SMG6: variants seen among roughly 807,000 people sequenced by gnomAD.
The protein encoded by SMG6 is SMG6 nonsense mediated mRNA decay factor.
Under a neutral mutation model 142.2 loss-of-function variants are expected in SMG6, and 66 were observed. The ratio of observed to expected loss-of-function variants is 0.46; its 90% confidence interval spans 0.38 to 0.57. SMG6 has a LOEUF of 0.57. SMG6 is among the 20% of genes least tolerant of loss of function. The pLI, the probability that SMG6 is intolerant of heterozygous loss-of-function variation, is 0.00. For missense variants in SMG6, 1,793 were observed against 1,832.0 expected, an observed-to-expected ratio of 0.98 and a Z score of 0.39; for synonymous variants, 779 against 702.4, an observed-to-expected ratio of 1.11 and a Z score of -1.72.
At chr17:2,090,802 A>T (rs991921249) in intron 13 of SMG6, among the ~76,000 whole-genome samples, 2 of 152,238 alleles carry the variant, frequency 1.3e-5, no homozygotes, top group African/African-American at 4.8e-5. Flanking sequence ...GGAGCCAATT[A>T]TTCTCACATT....
intron 15 of SMG6, among the ~76,000 whole-genome samples, chr17:2,074,431 G>A (rs1474965151): frequency 6.6e-6 from 1 of 152,208 alleles, no homozygotes; most frequent in Non-Finnish European, 1.5e-5. Flanking sequence ...AGAGCCACCA[G>A]CAGCATCCCC....
intron 13 of SMG6, among the ~76,000 whole-genome samples, chr17:2,168,732 G>GT (rs987012062): frequency 6.6e-6 from 1 of 151,572 alleles, no homozygotes. Flanking sequence ...AACAAAAAAA[G>GT]TTTTTTTTGT....
intron 13 of SMG6, among the ~76,000 whole-genome samples, chr17:2,156,473 T>G (rs2151613376): frequency 7.0e-6 from 1 of 143,392 alleles, no homozygotes; most frequent in African/African-American, 2.6e-5. Flanking sequence ...GACACTATCC[T>G]CAGGGAAATT....
At chr17:2,187,706 G>A (rs2072033967) in intron 11 of SMG6, among the ~76,000 whole-genome samples, 1 of 151,600 alleles carries the variant, frequency 6.6e-6, no homozygotes, top group Admixed American at 6.6e-5. Flanking sequence ...CTGTAAATAT[G>A]AAGTTACTTC....
At chr17:2,155,430 C>T (rs1477956453) in intron 13 of SMG6, among the ~76,000 whole-genome samples, 2 of 152,182 alleles carry the variant, frequency 1.3e-5, no homozygotes, top group Non-Finnish European at 2.9e-5. Context: ...AATAAAGTTT[C>T]TCTTCATGTC....
At chr17:2,264,803 G>C (rs1457208391) in intron 8 of SMG6, among the ~76,000 whole-genome samples, 1 of 151,968 alleles carries the variant, frequency 6.6e-6, no homozygotes, top group African/African-American at 2.4e-5. Flanking sequence ...TCAGGAGGCT[G>C]GGAGGGGAGG....
At chr17:2,162,124 T>G (rs1000958857) in intron 13 of SMG6, among the ~76,000 whole-genome samples, 1 of 152,198 alleles carries the variant, frequency 6.6e-6, no homozygotes, top group African/African-American at 2.4e-5. Context: ...GCTCTTAAAT[T>G]CATGTTATAG....
chr17:2,107,671 C>T (rs983425785), intron 13 of SMG6, among the ~76,000 whole-genome samples: 1 of 152,128 alleles, frequency 6.6e-6, no homozygotes, highest in Non-Finnish European at 1.5e-5. Flanking sequence ...TGGAACAAGC[C>T]ATCTGTGAGG....
intron 8 of SMG6, chr17:2,255,868 T>G: frequency 4.2e-6 from 1 of 236,994 alleles, no homozygotes; most frequent in Non-Finnish European, 8.3e-6. Context: ...GGGATGCTGT[T>G]GATCTGTGAC....
intron 9 of SMG6, among the ~76,000 whole-genome samples, chr17:2,240,796 G>A (rs865886238): frequency 1.3e-4 from 20 of 152,216 alleles, no homozygotes; most frequent in South Asian, 2.1e-4. Flanking sequence ...GAAGCGCAGC[G>A]TCCGAGCTTT....
At chr17:2,205,421 T>A (rs2072649070) in intron 10 of SMG6, among the ~76,000 whole-genome samples, 1 of 152,186 alleles carries the variant, frequency 6.6e-6, no homozygotes, top group South Asian at 2.1e-4. Flanking sequence ...ATTTTTTATA[T>A]TTACTCTTTT....
intron 13 of SMG6, among the ~76,000 whole-genome samples, chr17:2,153,622 A>C (rs1293312322): frequency 6.6e-6 from 1 of 150,648 alleles, no homozygotes; most frequent in Non-Finnish European, 1.5e-5. Flanking sequence ...TGACTGGGGA[A>C]CCTGGGGATG....
At chr17:2,228,772 AG>A (rs1457422324) in intron 10 of SMG6, among the ~76,000 whole-genome samples, 1 of 152,248 alleles carries the variant, frequency 6.6e-6, no homozygotes, top group East Asian at 1.9e-4. Context: ...TCAGGATGAT[AG>A]TTACCTGTTG....
At chr17:2,247,695 A>G (rs936471463) in intron 8 of SMG6, among the ~76,000 whole-genome samples, 1 of 152,102 alleles carries the variant, frequency 6.6e-6, no homozygotes, top group Non-Finnish European at 1.5e-5. Context: ...AGGCAGGAAA[A>G]TCACTTGAAC....
At chr17:2,073,851 G>A (rs2068182460) in intron 15 of SMG6, among the ~76,000 whole-genome samples, 1 of 151,964 alleles carries the variant, frequency 6.6e-6, no homozygotes, top group African/African-American at 2.4e-5. Flanking sequence ...GGCAGAGGTA[G>A]GCGGATCACT....
chr17:2,126,591 C>T (rs1339377541), intron 13 of SMG6, among the ~76,000 whole-genome samples: 2 of 151,684 alleles, frequency 1.3e-5, no homozygotes, highest in East Asian at 3.9e-4. Context: ...CAGGTGGGCC[C>T]CTGTAATCTC....
chr17:2,134,510 G>A (rs1012443282), intron 13 of SMG6, among the ~76,000 whole-genome samples: 8 of 149,238 alleles, frequency 5.4e-5, no homozygotes, highest in Admixed American at 3.4e-4. Flanking sequence ...ATAGCACTAC[G>A]GAAAATGCTG....
At chr17:2,252,313 T>C (rs1000711918) in intron 8 of SMG6, among the ~76,000 whole-genome samples, 8 of 151,776 alleles carry the variant, frequency 5.3e-5, no homozygotes, top group South Asian at 2.1e-4. Flanking sequence ...GGCAGGAGAA[T>C]TGCTTGAACC....
intron 13 of SMG6, among the ~76,000 whole-genome samples, chr17:2,123,103 C>G (rs79160705): frequency 0.012 from 1,567 of 133,602 alleles, 31 homozygotes; most frequent in African/African-American, 0.043. Context: ...GCTGCTCCAC[C>G]GCAGCCCTGA....
Sources: gnomAD v4.1 joint callset for allele counts (sites outside exome capture counted in the v4.1 genomes callset) on GRCh38, gnomAD v4.1.1 for gene constraint, MANE v1.5 for transcripts, NCBI Gene and HGNC (gene_info 2026-07-23, HGNC 2026-07-21) for gene names.